PKHD1L1: variants seen among roughly 807,000 people sequenced by gnomAD.
The protein encoded by PKHD1L1 is fibrocystin-L.
A neutral mutation model predicts 462.9 loss-of-function variants in PKHD1L1; 434 were observed. The ratio of observed to expected loss-of-function variants is 0.94; its 90% CI spans 0.87 to 1.02. The LOEUF is 1.02. PKHD1L1 is among the 50% of genes least tolerant of loss of function. The pLI is 0.00. For synonymous variants in PKHD1L1, 1,781 were observed against 1,750.0 expected (o/e 1.02, Z -0.44); for missense variants, 5,202 against 5,096.1 (o/e 1.02, Z -0.63).
intron 4 of PKHD1L1, 62 bp from the exon 5 acceptor site, chr8:109,384,008 A>T: frequency 9.0e-7 from 1 of 1,107,656 alleles, no homozygotes; most frequent in Non-Finnish European, 1.4e-6. Flanking sequence ...GAAATTATCT[A>T]TTTCACAAAA....
At chr8:109,499,146 A>G (rs76798834) in intron 67 of PKHD1L1, 1 of 178,476 alleles carries the variant, frequency 5.6e-6, no homozygotes, top group Non-Finnish European at 1.2e-5. Context: ...CCAAATTCCC[A>G]CAGCTATTGG....
In PKHD1L1 at chr8:109,447,591, C is replaced by T. The variant is rs540021767; in HGVS notation, c.5777-552C>T. The stretch of plus-strand genomic sequence containing the variant: ...CACTCATTCAAGGCATTAACATCAA[C>T]ATTCACCTACAAGTCTTTAAATTAA... On this transcript the variant is annotated intron_variant, in intron 38 of 77. Coordinates refer to ENST00000378402, the MANE Select transcript of PKHD1L1 (RefSeq NM_177531.6). Among the ~76,000 whole-genome samples the T allele has an allele frequency of 5.7e-4, 87 of 152,330 alleles. 1 individual carries two copies. The highest frequency in any genetic ancestry group is 3.7e-3 in the Admixed American group (56 of 15,292).
intron 2 of PKHD1L1, among the ~76,000 whole-genome samples, chr8:109,379,827 A>T: frequency 6.6e-6 from 1 of 152,332 alleles, no homozygotes; most frequent in South Asian, 2.1e-4. Flanking sequence ...TATTTAGTAT[A>T]TGACTAGAGA....
intron 59 of PKHD1L1, among the ~76,000 whole-genome samples, chr8:109,489,142 T>C (rs550851771): frequency 2.6e-5 from 4 of 152,126 alleles, no homozygotes; most frequent in South Asian, 4.1e-4. Flanking sequence ...AATTGCCTCA[T>C]GGATTTTAAG....
chr8:109,497,424 A>G (rs1454837057), intron 65 of PKHD1L1, among the ~76,000 whole-genome samples, 152 bp downstream of exon 65: 1 of 138,560 alleles, frequency 7.2e-6, no homozygotes, highest in Non-Finnish European at 1.6e-5. Flanking sequence ...TGCCTAAAAA[A>G]CCGTTCTTTT....
chr8:109,362,793 C>T (rs907689169), intron 1 of PKHD1L1, 140 bp downstream of exon 1: 4 of 861,284 alleles, frequency 4.6e-6, no homozygotes, highest in Admixed American at 4.3e-5. Flanking sequence ...ATCCTGGGGA[C>T]CAGGGGAGCT....
chr8:109,522,904 C>G lies in PKHD1L1; in HGVS notation c.12330+14C>G. On this transcript the variant is annotated intron_variant, in intron 75 of 77. Coordinates refer to ENST00000378402, the MANE Select transcript of PKHD1L1 (RefSeq NM_177531.6). ...ACAGATTCTGACGTAAGTCATAACT[C>G]AAAATTTTACTTAAGTGAAGGAATT... 4 of 1,579,994 alleles carry G rather than the reference C, an allele frequency of 2.5e-6. No individual in the cohort carries two copies. Among genetic ancestry groups the G allele is most frequent in the Non-Finnish European group, 3.4e-6 (4 of 1,164,550 alleles).
intron 46 of PKHD1L1, among the ~76,000 whole-genome samples, chr8:109,456,980 C>G (rs1375330881): frequency 1.3e-5 from 2 of 152,040 alleles, no homozygotes; most frequent in East Asian, 3.9e-4. Context: ...ACTTATGACC[C>G]TTAATTTCTG....
chr8:109,396,163 T>A (rs758598884), intron 11 of PKHD1L1, 26 bp downstream of exon 11: 2 of 1,488,738 alleles, frequency 1.3e-6, no homozygotes, highest in South Asian at 2.4e-5. Context: ...TTTGATATAT[T>A]ACTTTATTAC....
At chr8:109,402,226 A>C (rs978305270) in intron 14 of PKHD1L1, among the ~76,000 whole-genome samples, 1 of 152,218 alleles carries the variant, frequency 6.6e-6, no homozygotes, top group African/African-American at 2.4e-5. Context: ...ATGGAGTTAC[A>C]TGAAGAACAT....
Position 109,438,318 on chromosome 8 carries a change from T to G in PKHD1L1, c.3628-6T>G. ...ATATTTTCTAATTTTTTTCCTCTTATTTTAGAAAACTGAGGGTACAGTTGA... is the reference window on the plus strand; with the variant it reads ...ATATTTTCTAATTTTTTTCCTCTTAGTTTAGAAAACTGAGGGTACAGTTGA... On this transcript the variant is annotated splice_region_variant and splice_polypyrimidine_tract_variant and intron_variant, in intron 30 of 77. Coordinates refer to ENST00000378402, the MANE Select transcript of PKHD1L1 (RefSeq NM_177531.6). 1 of 1,473,140 alleles carries G rather than the reference T, an allele frequency of 6.8e-7. No individual in the cohort carries two copies. Among genetic ancestry groups the G allele is most frequent in the Non-Finnish European group, 9.1e-7 (1 of 1,101,578 alleles). 91.3% of individuals were successfully genotyped at this position (1,473,140 alleles called of 1,614,324 possible). A position where few individuals can be genotyped will look rare whatever the true frequency, so the allele number is the denominator to read the frequency against.
At chr8:109,479,884 CAT>C (rs1818185317) in intron 54 of PKHD1L1, 105 bp from the exon 55 acceptor site, 1 of 1,104,130 alleles carries the variant, frequency 9.1e-7, no homozygotes, top group East Asian at 2.6e-5. Flanking sequence ...TATGAAAAGA[CAT>C]GTCATAAACA....
chr8:109,457,864 G>A (rs573487078), intron 46 of PKHD1L1, among the ~76,000 whole-genome samples: 5 of 152,182 alleles, frequency 3.3e-5, no homozygotes, highest in Non-Finnish European at 5.9e-5. Context: ...AAATTCAAGA[G>A]AGGCTAATCT....
intron 21 of PKHD1L1, among the ~76,000 whole-genome samples, chr8:109,413,796 T>TA (rs1813986490): frequency 6.6e-6 from 1 of 151,996 alleles, no homozygotes; most frequent in African/African-American, 2.4e-5. Flanking sequence ...CCCATAACCA[T>TA]AAAAAGACAA....
Position 109,488,014 on chromosome 8 carries a change from T to C in PKHD1L1, c.9880+1193T>C, listed in dbSNP as rs149674106. Among the ~76,000 whole-genome samples the C allele has an allele frequency of 6.1e-3, 923 of 152,020 alleles. 2 individuals carry two copies. The highest frequency in any genetic ancestry group is 0.01 in the Non-Finnish European group (685 of 67,918). On this transcript the variant is annotated intron_variant, in intron 59 of 77. Transcript: ENST00000378402. ...TATTTTTCCATCAGTAGGTACATAA[T>C]GTATGATTGTTTCTCTTCTTACAAT...
In PKHD1L1 at chr8:109,477,471, A is replaced by G; in HGVS notation, c.9089+75A>G. 9.1e-6 allele frequency: 12 copies of G among 1,323,812 alleles called. No homozygotes were observed. The South Asian group carries it at 1.7e-4, about 19-fold the overall frequency. 82.0% of individuals were successfully genotyped at this position (1,323,812 alleles called of 1,614,324 possible). A position where few individuals can be genotyped will look rare whatever the true frequency, so the allele number is the denominator to read the frequency against. On this transcript the variant is annotated intron_variant, in intron 53 of 77. Transcript: ENST00000378402. The stretch of plus-strand genomic sequence containing the variant: ...CCTTTTCACATGTCACTCCTGGGTG[A>G]AATAATAATGCTTTACTCTTGCACA...
At chr8:109,476,196 C>T (rs574146008) in intron 51 of PKHD1L1, among the ~76,000 whole-genome samples, 70 of 151,460 alleles carry the variant, frequency 4.6e-4, no homozygotes, top group African/African-American at 1.4e-3. Flanking sequence ...ACACACATCA[C>T]ATATATGTGT....
Position 109,507,661 on chromosome 8 carries a change from A to G in PKHD1L1, c.10995-2A>G, listed in dbSNP as rs1458278076. The stretch of plus-strand genomic sequence containing the variant: ...ACTGAATAATTCAACTTTTCTCCAC[A>G]GTAAGGTCAATCCATCTGATTGTGT... On this transcript the variant is annotated splice_acceptor_variant, in intron 68 of 77. Coordinates refer to ENST00000378402, the MANE Select transcript of PKHD1L1 (RefSeq NM_177531.6). LOFTEE classifies it high-confidence loss of function. 1 of 1,610,640 alleles carries G rather than the reference A, an allele frequency of 6.2e-7. No individual in the cohort carries two copies. Among genetic ancestry groups the G allele is most frequent in the African/African-American group, 1.3e-5 (1 of 74,834 alleles).
chr8:109,410,452 C>T (rs1309205313), intron 19 of PKHD1L1, among the ~76,000 whole-genome samples: 1 of 152,038 alleles, frequency 6.6e-6, no homozygotes, highest in Non-Finnish European at 1.5e-5. Context: ...AGGCACGTCA[C>T]TTGGCTTGGT....
Sources: gnomAD v4.1 joint callset for allele counts (sites outside exome capture counted in the v4.1 genomes callset) on GRCh38, gnomAD v4.1.1 for gene constraint, MANE v1.5 for transcripts, NCBI Gene and HGNC (gene_info 2026-07-23, HGNC 2026-07-21) for gene names.